MYO5B: variants seen among roughly 807,000 people sequenced by gnomAD.
The protein encoded by MYO5B is myosin VB, also known as unconventional myosin-Vb.
In MYO5B, 143 loss-of-function variants were observed where a neutral mutation model predicts 229.3. The observed-to-expected ratio is 0.62, with a 90% confidence interval of 0.54 to 0.72. The LOEUF is 0.72. Ranked by LOEUF, MYO5B falls within the 30% of genes least tolerant of loss-of-function variation. The pLI is 0.00. For missense variants in MYO5B, 2,321 were observed against 2,331.0 expected, an observed-to-expected ratio of 1.00 and a Z score of 0.09; for synonymous variants, 918 against 885.2, an observed-to-expected ratio of 1.04 and a Z score of -0.66.
intron 8 of MYO5B, among the ~76,000 whole-genome samples, chr18:49,981,689 T>C (rs1293096973): frequency 6.6e-6 from 1 of 152,210 alleles, no homozygotes; most frequent in African/African-American, 2.4e-5. Flanking sequence ...CTCAGAAACC[T>C]GAATGGTAGA....
chr18:50,114,429 CTCCTCTTGGGAAAGGGTGCCCACACAA>C (rs1368686672), intron 1 of MYO5B, among the ~76,000 whole-genome samples: 1 of 152,222 alleles, frequency 6.6e-6, no homozygotes, highest in Non-Finnish European at 1.5e-5. Flanking sequence ...CTAACCAAGG[CTCCTCTTGGGAAAGGGTGCCCACACAA>C]TCCTCAAAGA....
chr18:49,939,966 T>A (rs1052821268), intron 14 of MYO5B, among the ~76,000 whole-genome samples: 1 of 66,066 alleles, frequency 1.5e-5, no homozygotes. Context: ...ATCATCTTCA[T>A]GTATGGCTAC....
chr18:49,936,146 G>A, intron 16 of MYO5B, 106 bp downstream of exon 16: 2 of 905,562 alleles, frequency 2.2e-6, no homozygotes, highest in Non-Finnish European at 3.6e-6. Context: ...AGTCCAGGTG[G>A]TCATCATGCT....
rs1234604394 is a variant in MYO5B at position 49,825,709 on chromosome 18, G to C, written c.*762C>G. 6.6e-6 allele frequency: 1 copy of C among 152,544 alleles called. No individual in the cohort carries two copies. 9.4% of individuals were successfully genotyped at this position (152,544 alleles called of 1,614,324 possible). On this transcript the variant is annotated 3_prime_UTR_variant, in exon 40 of 40. Coordinates refer to ENST00000285039, the MANE Select transcript of MYO5B (RefSeq NM_001080467.3). ...TGGGACTTGGAAAGTGTATGGACTA[G>C]CATCAGAAACAAAATATTTTTCCAT... is the stretch of plus-strand genomic sequence containing the variant.
At chr18:49,879,998 C>T (rs1369377832) in intron 23 of MYO5B, among the ~76,000 whole-genome samples, 1 of 152,232 alleles carries the variant, frequency 6.6e-6, no homozygotes, top group East Asian at 1.9e-4. Context: ...ACTTCACGTG[C>T]AGCCTCTTCC....
chr18:50,036,092 T>C (rs1232165170), intron 4 of MYO5B, among the ~76,000 whole-genome samples: 2 of 152,236 alleles, frequency 1.3e-5, no homozygotes, highest in East Asian at 1.9e-4. Flanking sequence ...CTTTGCTATA[T>C]GTTGCCAGCT....
At chr18:49,939,081 C>CT (rs1227342988) in intron 14 of MYO5B, among the ~76,000 whole-genome samples, 1 of 151,842 alleles carries the variant, frequency 6.6e-6, no homozygotes, top group African/African-American at 2.4e-5. Flanking sequence ...GCATATAGGG[C>CT]TCAGACATTA....
intron 22 of MYO5B, among the ~76,000 whole-genome samples, chr18:49,882,499 G>A (rs954957230): frequency 1.3e-5 from 2 of 151,330 alleles, no homozygotes; most frequent in East Asian, 1.9e-4. Flanking sequence ...GTGGTGGTGC[G>A]TGCCTGTAAT....
intron 39 of MYO5B, 67 bp downstream of exon 39, chr18:49,835,277 G>T: frequency 8.5e-7 from 1 of 1,181,888 alleles, no homozygotes; most frequent in Non-Finnish European, 1.3e-6. Flanking sequence ...CAAGATTAAA[G>T]CCCAAATTTT....
At position 49,981,382 on chromosome 18, in the gene MYO5B, T is replaced by C. The variant is rs558858412; in HGVS notation, c.947-829A>G. On this transcript the variant is annotated intron_variant, in intron 8 of 39. Coordinates refer to ENST00000285039, the MANE Select transcript of MYO5B (RefSeq NM_001080467.3). ...GTTAATTTTTAAGGCAATATTTTAT[T>C]CAGGCTAAAAAACAGTAACACCTGT... Among the ~76,000 whole-genome samples the C allele has an allele frequency of 6.6e-5, 10 of 152,332 alleles. No individual in the cohort carries two copies. The South Asian group carries it at 2.1e-3, about 32-fold the overall frequency.
intron 17 of MYO5B, among the ~76,000 whole-genome samples, chr18:49,914,974 G>C (rs2024997083): frequency 6.6e-6 from 1 of 152,018 alleles, no homozygotes; most frequent in Admixed American, 6.6e-5. Context: ...CCAGCAGCCT[G>C]GGATGAGAAG....
At chr18:49,908,344 A>T (rs1035554219) in intron 18 of MYO5B, among the ~76,000 whole-genome samples, 2 of 152,182 alleles carry the variant, frequency 1.3e-5, no homozygotes, top group African/African-American at 2.4e-5. Context: ...TTGACTGATC[A>T]GTCGATCAAT....
chr18:49,963,380 G>T (rs2025583174), intron 10 of MYO5B, among the ~76,000 whole-genome samples: 2 of 151,278 alleles, frequency 1.3e-5, no homozygotes, highest in Non-Finnish European at 1.5e-5. Flanking sequence ...TCAGAACTAT[G>T]TAACATTTTA....
intron 1 of MYO5B, among the ~76,000 whole-genome samples, chr18:50,134,823 A>G (rs920832765): frequency 1.3e-5 from 2 of 152,174 alleles, no homozygotes; most frequent in African/African-American, 4.8e-5. Context: ...TCTTTGAAAG[A>G]ACAGACTATT....
At chr18:50,115,344 G>A (rs2031939093) in intron 1 of MYO5B, among the ~76,000 whole-genome samples, 1 of 152,160 alleles carries the variant, frequency 6.6e-6, no homozygotes, top group Non-Finnish European at 1.5e-5. Context: ...AGTGTCTATG[G>A]AATTCAATCT....
intron 1 of MYO5B, among the ~76,000 whole-genome samples, chr18:50,135,485 C>T (rs143781763): frequency 5.9e-5 from 9 of 152,310 alleles, no homozygotes; most frequent in Middle Eastern, 3.4e-3. Flanking sequence ...TGTATGTACA[C>T]GCACACACCT....
chr18:49,874,714 T>C (rs184535214), intron 26 of MYO5B, among the ~76,000 whole-genome samples: 1 of 152,302 alleles, frequency 6.6e-6, no homozygotes, highest in East Asian at 1.9e-4. Flanking sequence ...CAATTAATAA[T>C]TCAGGCCTGA....
intron 29 of MYO5B, among the ~76,000 whole-genome samples, chr18:49,857,397 C>T (rs2024275259): frequency 6.6e-6 from 1 of 152,164 alleles, no homozygotes; most frequent in Non-Finnish European, 1.5e-5. Context: ...ATTGCATCTG[C>T]AGAGCAGCAT....
chr18:49,901,306 G>A (rs1202961697), intron 21 of MYO5B, among the ~76,000 whole-genome samples: 4 of 152,236 alleles, frequency 2.6e-5, no homozygotes, highest in African/African-American at 7.2e-5. Flanking sequence ...AAAAAGTGGG[G>A]GTCCAGGTTT....
Sources: gnomAD v4.1 joint callset for allele counts (sites outside exome capture counted in the v4.1 genomes callset) on GRCh38, gnomAD v4.1.1 for gene constraint, MANE v1.5 for transcripts, NCBI Gene and HGNC (gene_info 2026-07-23, HGNC 2026-07-21) for gene names.